Variants in VPS53 observed in about 807,000 individuals in gnomAD.
VPS53 encodes VPS53 subunit of GARP complex.
A neutral mutation model predicts 107.0 loss-of-function variants in VPS53; 70 were observed. The ratio of observed to expected loss-of-function variants is 0.65; its 90% CI spans 0.54 to 0.80. The LOEUF is 0.80. VPS53 is among the 30% of genes least tolerant of loss of function. The pLI, the probability that VPS53 is intolerant of heterozygous loss-of-function variation, is 0.00. For synonymous variants in VPS53, 409 were observed against 393.3 expected (o/e 1.04, Z -0.47); for missense variants, 917 against 1,049.4 (o/e 0.87, Z 1.74).
intron 10 of VPS53, among the ~76,000 whole-genome samples, chr17:626,334 G>A (rs560200989): frequency 1.3e-5 from 2 of 152,176 alleles, no homozygotes; most frequent in East Asian, 1.9e-4. Flanking sequence ...CATGGATAAC[G>A]TAGAGAGGAT....
At chr17:640,553 C>T (rs541435401) in intron 7 of VPS53, among the ~76,000 whole-genome samples, 2 of 152,164 alleles carry the variant, frequency 1.3e-5, no homozygotes, top group Admixed American at 6.5e-5. Flanking sequence ...GCCTATGTCG[C>T]CATGTTCTTC....
chr17:652,655 C>G lies in VPS53; in HGVS notation c.608+636G>C, dbSNP rs117470749. ...CATTCTCCAGTCCCCTCCTGAGCTG[C>G]CTCGGCTAATGCTGCACGGAGCAGG... On this transcript the variant is annotated intron_variant, in intron 7 of 21. Transcript: ENST00000437048. Among the ~76,000 whole-genome samples, 81 of 152,346 alleles carry G rather than the reference C, an allele frequency of 5.3e-4. No homozygotes were observed. In the East Asian group the frequency reaches 0.014, roughly 27 times the overall value.
chr17:627,051 T>G, intron 10 of VPS53, 123 bp downstream of exon 10: 3 of 1,291,004 alleles, frequency 2.3e-6, no homozygotes, highest in Non-Finnish European at 3.2e-6. Context: ...AGGATGATAT[T>G]AGTCATCTGG....
intron 4 of VPS53, among the ~76,000 whole-genome samples, chr17:673,491 A>G (rs981927542): frequency 1.3e-5 from 2 of 152,102 alleles, no homozygotes; most frequent in African/African-American, 2.4e-5. Context: ...AATGCCAACA[A>G]CGCAGCCCAC....
At chr17:706,707 G>T (rs7221210) in intron 2 of VPS53, among the ~76,000 whole-genome samples, 266 of 152,270 alleles carry the variant, frequency 1.7e-3, no homozygotes, top group African/African-American at 6.1e-3. Flanking sequence ...GGTAGAGTGG[G>T]TGTTTTTTTA....
intron 8 of VPS53, 149 bp from the exon 9 acceptor site, chr17:628,380 A>G: frequency 1.1e-6 from 1 of 934,400 alleles, no homozygotes; most frequent in Non-Finnish European, 1.6e-6. Context: ...TGGATCTGTC[A>G]GTTACCTGCT....
At chr17:592,008 T>C (rs1967686177) in intron 12 of VPS53, among the ~76,000 whole-genome samples, 3 of 152,132 alleles carry the variant, frequency 2.0e-5, no homozygotes, top group Admixed American at 2.0e-4. Context: ...AGTCTCCCAT[T>C]ATTAATGTGT....
intron 4 of VPS53, among the ~76,000 whole-genome samples, chr17:695,289 C>T (rs970728816): frequency 2.0e-5 from 3 of 152,096 alleles, no homozygotes; most frequent in African/African-American, 4.8e-5. Context: ...ATTCTGATTC[C>T]TTGGTGTATT....
At chr17:675,526 C>A (rs890870925) in intron 4 of VPS53, 5 of 152,288 alleles carry the variant, frequency 3.3e-5, no homozygotes, top group Admixed American at 2.0e-4. Context: ...GTAATCACAA[C>A]ACTTTGGGAG....
At chr17:626,003 G>C (rs1342085960) in intron 10 of VPS53, among the ~76,000 whole-genome samples, 2 of 152,032 alleles carry the variant, frequency 1.3e-5, no homozygotes, top group Admixed American at 6.6e-5. Flanking sequence ...AGGAGTTCAA[G>C]ACCAGCCCGA....
intron 16 of VPS53, chr17:552,790 A>G: frequency 3.8e-6 from 1 of 261,782 alleles, no homozygotes; most frequent in Non-Finnish European, 7.3e-6. Context: ...GCTTCTTCTT[A>G]GTGGCCAGTA....
Position 694,826 on chromosome 17 carries a change from G to A in VPS53, c.285+2592C>T, listed in dbSNP as rs143051469. 5.1e-4 allele frequency among the ~76,000 whole-genome samples: 77 copies of A among 152,222 alleles called. 1 individual carries two copies. In the East Asian group the frequency reaches 8.9e-3, roughly 18 times the overall value. On this transcript the variant is annotated intron_variant, in intron 4 of 21. Coordinates refer to ENST00000437048, the MANE Select transcript of VPS53 (RefSeq NM_001128159.3). The stretch of plus-strand genomic sequence containing the variant: ...TCTGTCATCCGGGCTGGAGCGCGGC[G>A]GCACCATTACAGCTCACTGAAGCTT...
intron 7 of VPS53, among the ~76,000 whole-genome samples, chr17:639,281 G>C (rs767093294): frequency 5.3e-5 from 8 of 152,122 alleles, no homozygotes; most frequent in Non-Finnish European, 7.4e-5. Context: ...GTCATTTAAG[G>C]ACTTCTCTAG....
At chr17:681,173 G>A (rs1301143861) in intron 4 of VPS53, among the ~76,000 whole-genome samples, 1 of 152,162 alleles carries the variant, frequency 6.6e-6, no homozygotes, top group African/African-American at 2.4e-5. Flanking sequence ...ATATTGCTCT[G>A]TTGCCCAGGC....
intron 15 of VPS53, among the ~76,000 whole-genome samples, chr17:556,772 A>G (rs946898302): frequency 1.6e-4 from 24 of 150,010 alleles, no homozygotes; most frequent in African/African-American, 5.9e-4. Flanking sequence ...TGTAACTTAA[A>G]ACTAATGGGG....
intron 4 of VPS53, among the ~76,000 whole-genome samples, chr17:664,400 G>A (rs1299799252): frequency 6.6e-6 from 1 of 152,104 alleles, no homozygotes; most frequent in East Asian, 1.9e-4. Context: ...ATTTTCAGCA[G>A]AGAGAAAAGC....
intron 4 of VPS53, among the ~76,000 whole-genome samples, chr17:688,207 C>T (rs1215342303): frequency 2.0e-5 from 3 of 152,158 alleles, no homozygotes; most frequent in African/African-American, 7.2e-5. Context: ...GGTGGGAAGT[C>T]ACTGAACCAC....
At chr17:622,852 G>A (rs944455747) in intron 11 of VPS53, among the ~76,000 whole-genome samples, 26 of 150,582 alleles carry the variant, frequency 1.7e-4, no homozygotes, top group Non-Finnish European at 2.9e-4. Flanking sequence ...GGGTGCACCC[G>A]ACTAATTTTT....
rs746045790 is a variant in VPS53, at chr17:551,879, A to G, written c.1859T>C (p.Met620Thr). 1.2e-6 allele frequency: 2 copies of G among 1,602,414 alleles called. No individual in the cohort carries two copies. The highest frequency in any genetic ancestry group is 1.7e-6 in the Non-Finnish European group (2 of 1,174,052). ...DAACDPALTA[M>T]SKMQWQNVEH... ...CATTTCCCAAGACCTTACCTTGCTCATGGCAGTCAGGGCAGGATCACAGGC... is the reference window on the plus strand; with the variant it reads ...CATTTCCCAAGACCTTACCTTGCTCGTGGCAGTCAGGGCAGGATCACAGGC... The change falls in exon 17 of 22, where the codon ATG (methionine) becomes ACG (threonine). Residue 620 changes from methionine (M) to threonine (T), a missense_variant. Physicochemically the swap from Met to Thr is moderately conservative, Grantham distance 81. Coordinates refer to ENST00000437048, the MANE Select transcript of VPS53 (RefSeq NM_001128159.3).
Sources: gnomAD v4.1 joint callset for allele counts (sites outside exome capture counted in the v4.1 genomes callset) on GRCh38, gnomAD v4.1.1 for gene constraint, MANE v1.5 for transcripts, NCBI Gene and HGNC (gene_info 2026-07-23, HGNC 2026-07-21) for gene names.